Variants in DOCK1 observed in about 807,000 individuals in gnomAD.
DOCK1 encodes dedicator of cytokinesis 1, also known as dedicator of cytokinesis protein 1.
A neutral mutation model predicts 262.7 loss-of-function variants in DOCK1; 138 were observed. That is an observed-to-expected ratio of 0.53 (90% confidence interval 0.46 to 0.61). DOCK1 has a LOEUF of 0.61. Ranked by LOEUF, DOCK1 falls within the 20% of genes least tolerant of loss-of-function variation. The pLI is 0.00. For missense variants in DOCK1, 1,908 were observed against 2,370.7 expected, an observed-to-expected ratio of 0.80 and a Z score of 4.05; for synonymous variants, 866 against 867.4, an observed-to-expected ratio of 1.00 and a Z score of 0.03.
chr10:127,372,065 G>C (rs1346264252), intron 33 of DOCK1, among the ~76,000 whole-genome samples: 1 of 152,172 alleles, frequency 6.6e-6, no homozygotes, highest in African/African-American at 2.4e-5. Flanking sequence ...TGGGGGAGGA[G>C]ACCATGGAGA....
intron 23 of DOCK1, among the ~76,000 whole-genome samples, chr10:127,093,932 C>T (rs1442305639): frequency 6.6e-6 from 1 of 152,136 alleles, no homozygotes; most frequent in Non-Finnish European, 1.5e-5. Flanking sequence ...CTGGTCATCC[C>T]ATGGCAGAAG....
intron 23 of DOCK1, among the ~76,000 whole-genome samples, chr10:127,064,618 G>A (rs1355229869): frequency 1.3e-5 from 2 of 152,098 alleles, no homozygotes; most frequent in Non-Finnish European, 2.9e-5. Flanking sequence ...CCTTCCCAGC[G>A]GCCGTCTCCC....
chr10:127,416,393 G>T (rs1165142161), intron 44 of DOCK1, among the ~76,000 whole-genome samples: 1 of 152,164 alleles, frequency 6.6e-6, no homozygotes. Context: ...ACCTAAACAG[G>T]CCGTGATCCT....
chr10:127,211,630 C>G (rs529600097), intron 27 of DOCK1, among the ~76,000 whole-genome samples: 2 of 152,278 alleles, frequency 1.3e-5, no homozygotes, highest in East Asian at 3.9e-4. Context: ...TTCTTCATAG[C>G]AGAAATTATG....
At chr10:127,051,569 C>T (rs575514110) in intron 21 of DOCK1, among the ~76,000 whole-genome samples, 13 of 152,102 alleles carry the variant, frequency 8.5e-5, no homozygotes, top group Middle Eastern at 3.4e-3. Context: ...TAAAATTCAC[C>T]GAATCATTTT....
chr10:127,125,118 A>C (rs1486334199), intron 25 of DOCK1, among the ~76,000 whole-genome samples: 3 of 152,152 alleles, frequency 2.0e-5, no homozygotes, highest in Non-Finnish European at 2.9e-5. Context: ...CTCCGTCTCA[A>C]AAACAAAACA....
At position 127,175,639 on chromosome 10, in the gene DOCK1, C is replaced by T. The variant is rs1271709343; in HGVS notation, c.2847+47875C>T. 2 of 1,613,174 alleles carry T rather than the reference C, an allele frequency of 1.2e-6. No homozygotes were observed. Among genetic ancestry groups the T allele is most frequent in the Non-Finnish European group, 1.7e-6 (2 of 1,179,960 alleles). On this transcript the variant is annotated intron_variant, in intron 27 of 51. Transcript: ENST00000623213. The surrounding 1 kb of genome is among the most constrained non-coding windows in gnomAD (Gnocchi z 6.3). The stretch of plus-strand genomic sequence containing the variant: ...AGGGCAGGTGCGTAAACGGTGGCAA[C>T]CTCCGTTTTAAACACCCTCCTGAGG...
At chr10:126,974,615 C>T (rs1201894294) in intron 2 of DOCK1, among the ~76,000 whole-genome samples, 2 of 152,112 alleles carry the variant, frequency 1.3e-5, no homozygotes, top group Admixed American at 1.3e-4. Context: ...CCCAGAGCAG[C>T]CAGGTAATCG....
chr10:127,366,152 C>T (rs1447281821), intron 33 of DOCK1, among the ~76,000 whole-genome samples: 2 of 151,902 alleles, frequency 1.3e-5, no homozygotes, highest in South Asian at 2.1e-4. Flanking sequence ...TCAGAGTCAC[C>T]TGTTTCTCTG....
intron 27 of DOCK1, chr10:127,154,050 C>T (rs912429419): frequency 2.2e-5 from 15 of 677,938 alleles, no homozygotes; most frequent in Non-Finnish European, 3.7e-5. Context: ...TTGATTAATG[C>T]ATGCTTCCCA....
chr10:127,004,256 GAAAACAAAAC>G (rs1179928655), intron 10 of DOCK1, among the ~76,000 whole-genome samples: 13 of 149,456 alleles, frequency 8.7e-5, no homozygotes, highest in East Asian at 2.0e-4. Flanking sequence ...AAAAAGAAAA[GAAAACAAAAC>G]AAAACAAAAC....
intron 40 of DOCK1, 84 bp from the exon 41 acceptor site, chr10:127,408,953 C>T: frequency 6.9e-7 from 1 of 1,451,590 alleles, no homozygotes; most frequent in Non-Finnish European, 9.1e-7. Context: ...ACCCGTAAGG[C>T]ATATTTTAAG....
chr10:127,443,682 G>T (rs1303260402), intron 49 of DOCK1, among the ~76,000 whole-genome samples: 6 of 152,144 alleles, frequency 3.9e-5, no homozygotes, highest in Non-Finnish European at 8.8e-5. Context: ...TACATACTGT[G>T]TGTGTGTATC....
chr10:126,949,963 G>A (rs1168808785), intron 1 of DOCK1, among the ~76,000 whole-genome samples: 1 of 151,996 alleles, frequency 6.6e-6, no homozygotes, highest in Non-Finnish European at 1.5e-5. Context: ...AGGGACAGAA[G>A]CTGGGTCAGA....
chr10:127,050,814 A>C (rs2044675646), intron 21 of DOCK1, among the ~76,000 whole-genome samples: 1 of 152,188 alleles, frequency 6.6e-6, no homozygotes, highest in African/African-American at 2.4e-5. Context: ...GTGTTTATTA[A>C]TGAAGTTGAT....
intron 1 of DOCK1, among the ~76,000 whole-genome samples, chr10:126,911,064 G>A (rs1383632919): frequency 2.6e-5 from 4 of 152,220 alleles, no homozygotes; most frequent in Non-Finnish European, 5.9e-5. Context: ...TAAATGCCCA[G>A]GAGTGCAGAG....
At chr10:127,413,516 C>T (rs575940421) in intron 43 of DOCK1, among the ~76,000 whole-genome samples, 51 of 152,284 alleles carry the variant, frequency 3.3e-4, no homozygotes, top group African/African-American at 9.4e-4. Flanking sequence ...CCCACCAGGC[C>T]GAGAGCAGTG....
chr10:127,305,750 G>A (rs541201064), intron 29 of DOCK1, among the ~76,000 whole-genome samples: 12 of 152,324 alleles, frequency 7.9e-5, no homozygotes, highest in African/African-American at 2.9e-4. Flanking sequence ...AATTGAGACA[G>A]CAATTTGCTG....
intron 28 of DOCK1, among the ~76,000 whole-genome samples, chr10:127,256,303 G>A (rs976307194): frequency 6.6e-6 from 1 of 152,160 alleles, no homozygotes; most frequent in Non-Finnish European, 1.5e-5. Flanking sequence ...TTAGAACTTC[G>A]TACTGGGAAT....
Sources: gnomAD v4.1 joint callset for allele counts (sites outside exome capture counted in the v4.1 genomes callset) on GRCh38, gnomAD v4.1.1 for gene constraint, Gnocchi (gnomAD v3.1) non-coding constraint, MANE v1.5 for transcripts, NCBI Gene and HGNC (gene_info 2026-07-23, HGNC 2026-07-21) for gene names.